The following KAZN variants were observed in gnomAD, a reference collection of about 807,000 sequenced individuals.
KAZN encodes the protein kazrin.
Under a neutral mutation model 87.4 loss-of-function variants are expected in KAZN, and 40 were observed. The ratio of observed to expected loss-of-function variants is 0.46; its 90% confidence interval spans 0.36 to 0.60. KAZN has a LOEUF of 0.60. KAZN is among the 20% of genes least tolerant of loss of function. KAZN has a pLI of 0.00. For missense variants in KAZN, 898 were observed against 1,073.9 expected, an observed-to-expected ratio of 0.84 and a Z score of 2.29; for synonymous variants, 466 against 458.3, an observed-to-expected ratio of 1.02 and a Z score of -0.22.
chr1:15,046,243 A>G (rs1462151246), intron 4 of KAZN, among the ~76,000 whole-genome samples: 2 of 148,626 alleles, frequency 1.3e-5, no homozygotes, highest in African/African-American at 5.0e-5. Flanking sequence ...GGTTGCAGTG[A>G]GCCAAGGTCA....
chr1:14,274,191 T>C (rs1652171871), intron 2 of KAZN, among the ~76,000 whole-genome samples: 1 of 152,216 alleles, frequency 6.6e-6, no homozygotes, highest in Non-Finnish European at 1.5e-5. Context: ...GTGAAAAATG[T>C]GATGAAATGG....
At chr1:14,701,438 A>C (rs1176536732) in intron 1 of KAZN, among the ~76,000 whole-genome samples, 1 of 152,158 alleles carries the variant, frequency 6.6e-6, no homozygotes, top group Admixed American at 6.5e-5. Flanking sequence ...GCCTAGTATA[A>C]TTTTTAAAAA....
intron 1 of KAZN, among the ~76,000 whole-genome samples, chr1:14,069,038 G>A (rs1036988139): frequency 6.6e-6 from 1 of 152,086 alleles, no homozygotes; most frequent in South Asian, 2.1e-4. Context: ...ACCTCATGAT[G>A]TGCCTGCCTG....
chr1:14,980,612 G>GT (rs1666141341), intron 2 of KAZN, among the ~76,000 whole-genome samples: 1 of 152,176 alleles, frequency 6.6e-6, no homozygotes, highest in African/African-American at 2.4e-5. Context: ...CATAGTCCAA[G>GT]ACCGTCTGCC....
chr1:14,188,183 A>G (rs1646348473), intron 2 of KAZN, among the ~76,000 whole-genome samples: 1 of 139,652 alleles, frequency 7.2e-6, no homozygotes, highest in Non-Finnish European at 1.6e-5. Context: ...ATGGAGAGAG[A>G]GAGAGAGGAG....
intron 1 of KAZN, among the ~76,000 whole-genome samples, chr1:14,741,263 C>A (rs185350181): frequency 1.3e-5 from 2 of 152,352 alleles, no homozygotes; most frequent in Non-Finnish European, 2.9e-5. Context: ...ACCATCTTTG[C>A]CTCCCCAGCA....
Position 14,230,085 on chromosome 1 carries a change from G to C in KAZN, c.249+49493G>C, listed in dbSNP as rs111570134. Among the ~76,000 whole-genome samples, 114 of 152,316 alleles carry C rather than the reference G, an allele frequency of 7.5e-4. 1 individual carries two copies. The highest frequency in any genetic ancestry group is 2.7e-3 in the African/African-American group (111 of 41,572). ...ATTGAACACTAGAAATGTGGCTTGCGTGACCAAGGAGCTGACTTTTTAATT... is the reference window on the plus strand; with the variant it reads ...ATTGAACACTAGAAATGTGGCTTGCCTGACCAAGGAGCTGACTTTTTAATT... On this transcript the variant is annotated intron_variant, in intron 2 of 16. Transcript: ENST00000636203.
intron 1 of KAZN, among the ~76,000 whole-genome samples, chr1:14,810,425 G>A (rs1646370566): frequency 6.6e-6 from 1 of 152,068 alleles, no homozygotes; most frequent in Non-Finnish European, 1.5e-5. Context: ...CCTCGTTGTG[G>A]CATCCTCAGC....
At chr1:14,318,980 T>A in intron 2 of KAZN, among the ~76,000 whole-genome samples, 1 of 151,492 alleles carries the variant, frequency 6.6e-6, no homozygotes, top group African/African-American at 2.4e-5. Context: ...ATCTCTGTAC[T>A]GTCTGGGCCT....
At chr1:14,424,923 A>G (rs1665631840) in intron 2 of KAZN, among the ~76,000 whole-genome samples, 1 of 152,354 alleles carries the variant, frequency 6.6e-6, no homozygotes, top group Admixed American at 6.5e-5. Flanking sequence ...AGCTATTCTA[A>G]TATCATAGCT....
At chr1:14,909,418 G>A (rs919789338) in intron 1 of KAZN, among the ~76,000 whole-genome samples, 1 of 152,046 alleles carries the variant, frequency 6.6e-6, no homozygotes, top group East Asian at 1.9e-4. Flanking sequence ...CTCCGCCTCC[G>A]ACATCAGGCC....
intron 1 of KAZN, among the ~76,000 whole-genome samples, chr1:14,734,603 A>C (rs1643834891): frequency 6.6e-6 from 1 of 152,110 alleles, no homozygotes; most frequent in Non-Finnish European, 1.5e-5. Flanking sequence ...CTAAGCCACC[A>C]CACCCGGTTG....
At chr1:14,683,476 A>G (rs867638052) in intron 1 of KAZN, among the ~76,000 whole-genome samples, 25 of 151,720 alleles carry the variant, frequency 1.6e-4, no homozygotes, top group South Asian at 2.1e-4. Context: ...TCCAATGACC[A>G]CTCTCTCCTT....
At chr1:14,555,167 T>TG (rs1432962661) in intron 2 of KAZN, among the ~76,000 whole-genome samples, 11 of 152,338 alleles carry the variant, frequency 7.2e-5, no homozygotes, top group Admixed American at 5.9e-4. Flanking sequence ...AGCAATTGAG[T>TG]GGGGACACAG....
intron 1 of KAZN, among the ~76,000 whole-genome samples, chr1:13,908,300 C>A (rs1240345559): frequency 6.6e-6 from 1 of 152,228 alleles, no homozygotes; most frequent in African/African-American, 2.4e-5. Flanking sequence ...CATGAAGGAC[C>A]AGCCACTTGC....
intron 2 of KAZN, among the ~76,000 whole-genome samples, chr1:14,336,638 C>T (rs1657291378): frequency 6.6e-6 from 1 of 152,122 alleles, no homozygotes; most frequent in African/African-American, 2.4e-5. Flanking sequence ...GTCTTTTTTA[C>T]TTTAGTCATT....
At chr1:14,737,244 G>A (rs1467671067) in intron 1 of KAZN, among the ~76,000 whole-genome samples, 1 of 152,104 alleles carries the variant, frequency 6.6e-6, no homozygotes. Flanking sequence ...ATGCAAGGAG[G>A]CGGATGGTGC....
chr1:14,686,508 T>TTTA (rs1469820878), intron 1 of KAZN, among the ~76,000 whole-genome samples: 1 of 152,248 alleles, frequency 6.6e-6, no homozygotes, highest in Non-Finnish European at 1.5e-5. Flanking sequence ...AAATTATGTC[T>TTTA]TTATTCTACT....
At chr1:14,222,229 G>A (rs1647117218) in intron 2 of KAZN, 1 of 152,116 alleles carries the variant, frequency 6.6e-6, no homozygotes, top group African/African-American at 2.4e-5. Flanking sequence ...CCATTCTCTG[G>A]GTGATAAGAT....
Sources: allele counts gnomAD v4.1 joint callset (sites outside exome capture counted in the v4.1 genomes callset), GRCh38; gene constraint gnomAD v4.1.1; transcripts MANE v1.5; gene names NCBI Gene and HGNC (gene_info 2026-07-23, HGNC 2026-07-21).